Variants in SEZ6 observed in about 807,000 individuals in gnomAD.
SEZ6 encodes the protein seizure protein 6 homolog.
In SEZ6, 53 loss-of-function variants were observed where a neutral mutation model predicts 101.0. The observed-to-expected ratio is 0.52, with a 90% CI of 0.42 to 0.66. The LOEUF (loss-of-function observed/expected upper bound fraction) is 0.66. Among genes scored for constraint, SEZ6 ranks in the 30% least tolerant of loss-of-function variants. SEZ6 has a pLI of 0.00. For synonymous variants in SEZ6, 488 were observed against 512.2 expected, an observed-to-expected ratio of 0.95 and a Z score of 0.64; for missense variants, 1,102 against 1,289.4, an observed-to-expected ratio of 0.85 and a Z score of 2.23.
chr17:28,962,654 A>C (rs902006317), intron 5 of SEZ6, among the ~76,000 whole-genome samples: 8 of 151,336 alleles, frequency 5.3e-5, no homozygotes, highest in Non-Finnish European at 5.9e-5. Flanking sequence ...GGTGGCATGC[A>C]CCTGTAACCC....
chr17:28,956,860 C>T (rs2040887213), intron 13 of SEZ6, 103 bp from the exon 14 acceptor site: 3 of 1,437,978 alleles, frequency 2.1e-6, no homozygotes, highest in Admixed American at 4.0e-5. Context: ...AGGATTTGTC[C>T]AAGGAGAGGC....
At chr17:28,975,959 G>C (rs1255723421) in intron 3 of SEZ6, among the ~76,000 whole-genome samples, 1 of 152,252 alleles carries the variant, frequency 6.6e-6, no homozygotes, top group Non-Finnish European at 1.5e-5. Context: ...GAGCCCTCAG[G>C]GGGAGACTGA....
chr17:28,956,915 C>T, intron 13 of SEZ6, 130 bp downstream of exon 13: 6 of 1,354,360 alleles, frequency 4.4e-6, no homozygotes, highest in Non-Finnish European at 6.1e-6. Flanking sequence ...AAGGATCTGG[C>T]AGAGACTGGG....
chr17:28,983,493 C>T (rs1404067703), intron 1 of SEZ6, among the ~76,000 whole-genome samples: 1 of 152,176 alleles, frequency 6.6e-6, no homozygotes, highest in African/African-American at 2.4e-5. Context: ...ATGAGATTGG[C>T]TCTGGGGGAT....
At chr17:28,993,550 C>T (rs2041493654) in intron 1 of SEZ6, among the ~76,000 whole-genome samples, 1 of 152,218 alleles carries the variant, frequency 6.6e-6, no homozygotes, top group African/African-American at 2.4e-5. Context: ...GCTGCATTCT[C>T]CCTAGAGCCA....
Position 28,981,948 on chromosome 17 carries a change from C to T in SEZ6, c.147G>A (p.Glu49=). The T allele has an allele frequency of 6.2e-7, 1 of 1,613,846 alleles. No individual in the cohort carries two copies. Among genetic ancestry groups the T allele is most frequent in the South Asian group, 1.1e-5 (1 of 91,080 alleles). Residue 49 remains glutamate, a synonymous_variant, in exon 2 of 17, where the codon GAG becomes GAA. Transcript: ENST00000317338. The part of the protein sequence containing the change: ...DGELTAAPTP[E]QPERGVHFVT... Reference sequence around the variant, plus strand: ...CAAAGTGGACGCCTCGTTCTGGCTGCTCAGGTGTGGGGGCTGCTGTCAGCT... The same window carrying T: ...CAAAGTGGACGCCTCGTTCTGGCTGTTCAGGTGTGGGGGCTGCTGTCAGCT...
At chr17:28,960,329 A>G (rs1325924601) in intron 7 of SEZ6, 176 bp downstream of exon 7, 1 of 808,600 alleles carries the variant, frequency 1.2e-6, no homozygotes, top group East Asian at 2.7e-5. Context: ...TGTGGTAGGG[A>G]TCCCGGACCC....
intron 1 of SEZ6, among the ~76,000 whole-genome samples, chr17:28,982,762 C>T (rs2152689743): frequency 6.6e-6 from 1 of 152,268 alleles, no homozygotes; most frequent in East Asian, 1.9e-4. Flanking sequence ...TCAAGCGATC[C>T]TCCCACCTCA....
Position 28,959,168 on chromosome 17 carries a change from G to A in SEZ6, c.1964C>T (p.Thr655Met), listed in dbSNP as rs199705419. Reference protein sequence around the residue: ...VLTFYDGDDLTARVLGQYSGP... With the variant: ...VLTFYDGDDLMARVLGQYSGP... Reference sequence around the variant, plus strand: ...TGAGTACTGGCCCAGAACCCGGGCCGTCAGGTCATCCCCATCATAGAAGGT... The same window carrying A: ...TGAGTACTGGCCCAGAACCCGGGCCATCAGGTCATCCCCATCATAGAAGGT... Residue 655 changes from threonine (T) to methionine (M), a missense_variant, in exon 10 of 17, where the codon ACG becomes ATG. This residue lies in a region of SEZ6 where 556 missense variants were observed against 735.1 expected (regional missense o/e 0.76). Coordinates refer to ENST00000317338, the MANE Select transcript of SEZ6 (RefSeq NM_178860.5). This position sits in a 1 kb window ranked among gnomAD's most constrained non-coding sequence, Gnocchi z 4.4. The A allele has an allele frequency of 4.8e-5, 77 of 1,613,576 alleles. No homozygotes were observed. The highest frequency in any genetic ancestry group is 2.3e-4 in the South Asian group (21 of 91,016).
At chr17:28,974,049 T>C (rs542389133) in intron 3 of SEZ6, among the ~76,000 whole-genome samples, 76 of 152,272 alleles carry the variant, frequency 5.0e-4, no homozygotes, top group Admixed American at 4.4e-3. Context: ...TCTGCCAACC[T>C]CTAGCTCAAC....
chr17:28,998,893 G>T (rs2041578343), intron 1 of SEZ6, among the ~76,000 whole-genome samples: 1 of 152,176 alleles, frequency 6.6e-6, no homozygotes, highest in Admixed American at 6.5e-5. Context: ...CCTTCTGGAG[G>T]CCAGAGTAGC....
intron 4 of SEZ6, among the ~76,000 whole-genome samples, chr17:28,967,686 C>T (rs1358255890): frequency 6.6e-6 from 1 of 152,176 alleles, no homozygotes; most frequent in African/African-American, 2.4e-5. Context: ...ACATCTTCCC[C>T]TTTGAGTTCT....
Position 29,005,992 on chromosome 17 carries a change from A to T in SEZ6, c.-123T>A. On this transcript the variant is annotated 5_prime_UTR_variant, in exon 1 of 17. Transcript: ENST00000317338. This position sits in a 1 kb window ranked among gnomAD's most constrained non-coding sequence, Gnocchi z 4.8. ...TAGAGGGAGCGGGGCCGCAGCCGTC[A>T]CCGCCGCTGCCGCCGCCAGCGCCTG... 2.5e-6 allele frequency: 2 copies of T among 797,390 alleles called. No individual in the cohort carries two copies. Among genetic ancestry groups the T allele is most frequent in the South Asian group, 5.0e-5 (1 of 19,872 alleles). The allele number at this position is 797,390 out of a possible 1,614,324, so 49.4% of individuals were successfully genotyped here.
At chr17:28,956,958 A>G (rs751704774) in intron 13 of SEZ6, 87 bp downstream of exon 13, 88 of 1,422,672 alleles carry the variant, frequency 6.2e-5, no homozygotes, top group Non-Finnish European at 8.1e-5. Flanking sequence ...TGGCATGGGC[A>G]GGTGGTTCTG....
intron 14 of SEZ6, 92 bp downstream of exon 14, chr17:28,956,627 C>G: frequency 2.0e-6 from 3 of 1,530,612 alleles, no homozygotes; most frequent in Non-Finnish European, 2.7e-6. Context: ...CTCTCTTTCT[C>G]TGCCCTCCCT....
At position 28,955,126 on chromosome 17, in the gene SEZ6, C is replaced by T; in HGVS notation, c.*836G>A. 1 of 156,082 alleles carries T rather than the reference C, an allele frequency of 6.4e-6. No individual in the cohort carries two copies. The highest frequency in any genetic ancestry group is 1.4e-5 in the Non-Finnish European group (1 of 70,268). 9.7% of individuals were successfully genotyped at this position (156,082 alleles called of 1,614,324 possible). A position where few individuals can be genotyped will look rare whatever the true frequency, so the allele number is the denominator to read the frequency against. On this transcript the variant is annotated 3_prime_UTR_variant, in exon 17 of 17. Transcript: ENST00000317338. ...ACCTCTGCTCCTCTCCAGAATATGC[C>T]CACCCCCTCCCCTTATCCCATAACA...
chr17:28,960,989 CAG>C lies in SEZ6; in HGVS notation c.1241-18_1241-17del, dbSNP rs1365744277. On this transcript the variant is annotated splice_polypyrimidine_tract_variant and intron_variant, in intron 5 of 16. Coordinates refer to ENST00000317338, the MANE Select transcript of SEZ6 (RefSeq NM_178860.5). ...CCGCAAGCAGCTGTTAAGACCAGGA[CAG>C]GACGTAGGCTAGGCCCCTGCCTGAA... is the stretch of plus-strand genomic sequence containing the variant. 6 of 1,608,178 alleles carry C rather than the reference CAG, an allele frequency of 3.7e-6. No individual in the cohort carries two copies. The highest frequency in any genetic ancestry group is 5.1e-6 in the Non-Finnish European group (6 of 1,177,468).
Position 28,955,819 on chromosome 17 carries a change from A to G in SEZ6, c.*143T>C. The G allele has an allele frequency of 1.0e-6, 1 of 996,406 alleles. No homozygotes were observed. Among genetic ancestry groups the G allele is most frequent in the South Asian group, 1.4e-5 (1 of 72,564 alleles). 61.7% of individuals were successfully genotyped at this position (996,406 alleles called of 1,614,324 possible). On this transcript the variant is annotated 3_prime_UTR_variant, in exon 17 of 17. Coordinates refer to ENST00000317338, the MANE Select transcript of SEZ6 (RefSeq NM_178860.5). ...GGCATCGCAGGCGGGGAAGGGCACAACTTCTTGAGGGCTTGGTGGCATCTC... is the reference window on the plus strand; with the variant it reads ...GGCATCGCAGGCGGGGAAGGGCACAGCTTCTTGAGGGCTTGGTGGCATCTC...
At chr17:28,956,527 C>A in intron 14 of SEZ6, 60 bp from the exon 15 acceptor site, 1 of 1,520,058 alleles carries the variant, frequency 6.6e-7, no homozygotes, top group South Asian at 1.2e-5. Context: ...CCCATATTCT[C>A]TCACCTCTGC....
Sources: allele counts gnomAD v4.1 joint callset (sites outside exome capture counted in the v4.1 genomes callset), GRCh38; gene constraint gnomAD v4.1.1; regional missense constraint gnomAD v4.1.1; non-coding constraint Gnocchi (gnomAD v3.1); transcripts MANE v1.5; gene names NCBI Gene and HGNC (gene_info 2026-07-23, HGNC 2026-07-21).